ZNF790: variants seen among roughly 807,000 people sequenced by gnomAD.
ZNF790 encodes zinc finger protein 790.
Under a neutral mutation model 12.1 loss-of-function variants are expected in ZNF790, and 8 were observed. The observed-to-expected ratio is 0.66, with a 90% CI of 0.39 to 1.19. The LOEUF (loss-of-function observed/expected upper bound fraction) is 1.19. ZNF790 is among the 50% of genes most tolerant of loss of function. ZNF790 has a pLI of 0.01. For missense variants in ZNF790, 707 were observed against 752.2 expected, an observed-to-expected ratio of 0.94 and a Z score of 0.70; for synonymous variants, 252 against 244.3, an observed-to-expected ratio of 1.03 and a Z score of -0.29.
intron 1 of ZNF790, chr19:36,837,629 G>C (rs964059712): frequency 6.6e-6 from 1 of 151,570 alleles, no homozygotes; most frequent in African/African-American, 2.4e-5. Context: ...TTTAATTCTT[G>C]CATTTTTAAC....
chr19:36,849,644 G>A (rs1209768065), intron 1 of ZNF790, among the ~76,000 whole-genome samples: 1 of 151,858 alleles, frequency 6.6e-6, no homozygotes, highest in Non-Finnish European at 1.5e-5. Flanking sequence ...CTTTAAAACT[G>A]CTGCACCAGG....
At chr19:36,846,501 T>C (rs1600676549) in intron 1 of ZNF790, among the ~76,000 whole-genome samples, 1 of 151,920 alleles carries the variant, frequency 6.6e-6, no homozygotes, top group Non-Finnish European at 1.5e-5. Flanking sequence ...GAAGCGGAGG[T>C]TGCAGTGAGC....
chr19:36,839,150 T>G (rs867023286), upstream of ZNF790, among the ~76,000 whole-genome samples: 15 of 152,380 alleles, frequency 9.8e-5, no homozygotes, highest in South Asian at 8.3e-4. Context: ...AAGTACACAC[T>G]TGCCAGTTTT....
At chr19:36,831,315 G>A (rs1410288228) in intron 1 of ZNF790, among the ~76,000 whole-genome samples, 1 of 151,734 alleles carries the variant, frequency 6.6e-6, no homozygotes, top group Non-Finnish European at 1.5e-5. Flanking sequence ...CAGACCACAA[G>A]CAAAAATATA....
At chr19:36,820,575 A>G (rs2071645788) in intron 4 of ZNF790, among the ~76,000 whole-genome samples, 1 of 152,194 alleles carries the variant, frequency 6.6e-6, no homozygotes, top group Non-Finnish European at 1.5e-5. Flanking sequence ...CATTTAGGTT[A>G]AAGGAGATAA....
chr19:36,819,628 G>A lies in ZNF790; in HGVS notation c.716C>T (p.Ser239Leu), dbSNP rs200810061. Residue 239 changes from serine (S) to leucine (L), a missense_variant, in exon 5 of 5, where the codon TCG (serine) becomes TTG (leucine). Transcript: ENST00000356725. ...AATTCTCTTATGACCAGTAAGACTC[G>A]AACGTAAACTAAAAGACTTCCCACA... ...KECGKSFSLRSSLTGHKRIHT... is the reference protein window; with the variant it reads ...KECGKSFSLRLSLTGHKRIHT... 1.5e-5 allele frequency: 24 copies of A among 1,606,724 alleles called. No homozygotes were observed. The African/African-American group carries it at 2.3e-4, about 15-fold the overall frequency.
chr19:36,842,350 A>G, upstream of ZNF790, among the ~76,000 whole-genome samples: 1 of 152,230 alleles, frequency 6.6e-6, no homozygotes, highest in East Asian at 1.9e-4. Context: ...CCAGGAAAAA[A>G]TATTATAAAA....
upstream of ZNF790, among the ~76,000 whole-genome samples, chr19:36,839,612 G>A (rs535963921): frequency 1.5e-4 from 23 of 152,090 alleles, no homozygotes; most frequent in Non-Finnish European, 3.1e-4. Context: ...GGCTGGTCTC[G>A]AACTCCTGGG....
At chr19:36,825,525 A>T in intron 2 of ZNF790, 86 bp downstream of exon 2, 1 of 1,313,158 alleles carries the variant, frequency 7.6e-7, no homozygotes, top group Non-Finnish European at 1.1e-6. Flanking sequence ...TGATTCAGGT[A>T]AGCAGTTTAA....
intron 1 of ZNF790, among the ~76,000 whole-genome samples, chr19:36,829,882 A>G (rs750095449): frequency 2.6e-5 from 4 of 152,064 alleles, no homozygotes; most frequent in Non-Finnish European, 5.9e-5. Flanking sequence ...TTATTTTTAA[A>G]ATGCTGCAAT....
Position 36,818,477 on chromosome 19 carries a change from C to G in ZNF790, c.1867G>C (p.Glu623Gln), listed in dbSNP as rs2071590072. ...FEKSYEFKDFEKAFSSSSHFI... is the reference protein window; with the variant it reads ...FEKSYEFKDFQKAFSSSSHFI... The stretch of plus-strand genomic sequence containing the variant: ...TGAGAGCTTGAAGAAAATGCTTTCT[C>G]AAAATCTTTAAATTCATAGGATTTC... The change falls in exon 5 of 5, where the codon GAG becomes CAG. Residue 623 changes from glutamate to glutamine, a missense_variant. By Grantham distance (29) the Glu-to-Gln change is conservative (BLOSUM62 2). Transcript: ENST00000356725. 7 of 1,570,486 alleles carry G rather than the reference C, an allele frequency of 4.5e-6. No homozygotes were observed. Among genetic ancestry groups the G allele is most frequent in the Non-Finnish European group, 6.1e-6 (7 of 1,156,160 alleles).
upstream of ZNF790, chr19:36,850,441 A>G (rs1483879326): frequency 2.6e-5 from 4 of 152,454 alleles, no homozygotes; most frequent in East Asian, 7.7e-4. Flanking sequence ...TCAACTTCCA[A>G]TACAACAGCA....
upstream of ZNF790, chr19:36,838,506 C>G (rs1365497436): frequency 6.6e-6 from 1 of 152,266 alleles, no homozygotes; most frequent in African/African-American, 2.4e-5. This position sits in a 1 kb window ranked among gnomAD's most constrained non-coding sequence, Gnocchi z 4.4. Flanking sequence ...ATTAACGGAC[C>G]CTGCATTTGA....
chr19:36,822,258 AAT>A (rs551261722), intron 4 of ZNF790, among the ~76,000 whole-genome samples: 194 of 152,286 alleles, frequency 1.3e-3, no homozygotes, highest in African/African-American at 4.5e-3. Flanking sequence ...GGATGGGTAA[AAT>A]AAAAAAATGA....
chr19:36,831,139 A>AAAC lies in ZNF790; in HGVS notation c.-73-5450_-73-5448dup, dbSNP rs72531460. 3.0e-4 allele frequency among the ~76,000 whole-genome samples: 46 copies of AAAC among 150,984 alleles called. No individual in the cohort carries two copies. In the South Asian group the frequency reaches 8.8e-3, roughly 29 times the overall value. On this transcript the variant is annotated intron_variant, in intron 1 of 4. Transcript: ENST00000356725. ...AGCAACAGAGCAAGACTCCATCTCAAAACAACAACAACAACAACAACAAAA... is the reference window on the plus strand; with the variant it reads ...AGCAACAGAGCAAGACTCCATCTCAAAACAACAACAACAACAACAACAACAAAA...
At chr19:36,839,534 G>A (rs2072110289), upstream of ZNF790, among the ~76,000 whole-genome samples, 1 of 152,106 alleles carries the variant, frequency 6.6e-6, no homozygotes, top group African/African-American at 2.4e-5. Context: ...CAGAATAGCT[G>A]GGACTACAGG....
intron 1 of ZNF790, among the ~76,000 whole-genome samples, chr19:36,846,787 A>G (rs1240633794): frequency 6.6e-6 from 1 of 152,066 alleles, no homozygotes; most frequent in Non-Finnish European, 1.5e-5. Flanking sequence ...TATTAACTAT[A>G]TTTTCTTATT....
At chr19:36,828,237 G>A (rs1371389167) in intron 1 of ZNF790, 3 of 152,202 alleles carry the variant, frequency 2.0e-5, no homozygotes, top group Non-Finnish European at 4.4e-5. Flanking sequence ...GCCGAGGCAG[G>A]CGGATCACCT....
chr19:36,849,282 G>A (rs1375596568), intron 1 of ZNF790, among the ~76,000 whole-genome samples: 2 of 151,986 alleles, frequency 1.3e-5, no homozygotes, highest in Non-Finnish European at 2.9e-5. Context: ...ATTTCCTGTT[G>A]TCATACACTT....
Sources: allele counts gnomAD v4.1 joint callset (sites outside exome capture counted in the v4.1 genomes callset), GRCh38; gene constraint gnomAD v4.1.1; non-coding constraint Gnocchi (gnomAD v3.1); transcripts MANE v1.5; gene names NCBI Gene and HGNC (gene_info 2026-07-23, HGNC 2026-07-21).